Variants in MAST2 observed in about 807,000 individuals in gnomAD.
MAST2 encodes microtubule associated serine/threonine kinase 2.
A neutral mutation model predicts 147.4 loss-of-function variants in MAST2; 70 were observed. That is an observed-to-expected ratio of 0.47 (90% CI 0.39 to 0.58). MAST2 has a LOEUF of 0.58. MAST2 is among the 20% of genes least tolerant of loss of function. The pLI, the probability that MAST2 is intolerant of heterozygous loss-of-function variation, is 0.00. For synonymous variants in MAST2, 869 were observed against 896.8 expected (o/e 0.97, Z 0.55); for missense variants, 2,080 against 2,302.3 (o/e 0.90, Z 1.98).
chr1:45,860,350 C>T (rs1366019793), intron 3 of MAST2, among the ~76,000 whole-genome samples: 1 of 147,494 alleles, frequency 6.8e-6, no homozygotes, highest in Non-Finnish European at 1.5e-5. Context: ...TGCCACTGCA[C>T]TCCAGCCTGG....
In MAST2 at chr1:46,031,621, G is replaced by A; in HGVS notation, c.3187+36G>A. On this transcript the variant is annotated intron_variant, in intron 24 of 28. Transcript: ENST00000361297. This position sits in a 1 kb window ranked among gnomAD's most constrained non-coding sequence, Gnocchi z 4.1. ...TGGGGAGCTGGGATAAAACTCACAG[G>A]AAGGGCCTTGTAATCTCTAGGCCTT... 1 of 1,587,912 alleles carries A rather than the reference G, an allele frequency of 6.3e-7. No homozygotes were observed. The highest frequency in any genetic ancestry group is 8.6e-7 in the Non-Finnish European group (1 of 1,162,308).
intron 4 of MAST2, among the ~76,000 whole-genome samples, chr1:45,926,252 TCAGTACATCTA>T (rs1330109499): frequency 6.6e-6 from 1 of 152,328 alleles, no homozygotes; most frequent in Non-Finnish European, 1.5e-5. Context: ...ATTAAGTGAG[TCAGTACATCTA>T]CAATTGTTTA....
intron 4 of MAST2, among the ~76,000 whole-genome samples, chr1:45,925,288 GTC>G (rs1267588389): frequency 6.6e-6 from 1 of 152,326 alleles, no homozygotes; most frequent in East Asian, 1.9e-4. Flanking sequence ...GAAGGAATGA[GTC>G]TGTTATAAAC....
chr1:45,887,392 G>A (rs1399944263), intron 4 of MAST2, among the ~76,000 whole-genome samples: 1 of 152,166 alleles, frequency 6.6e-6, no homozygotes, highest in East Asian at 1.9e-4. Flanking sequence ...ATATGTGTGT[G>A]TTGATATTAT....
chr1:45,971,524 C>G (rs1341652947), intron 5 of MAST2, among the ~76,000 whole-genome samples: 1 of 152,168 alleles, frequency 6.6e-6, no homozygotes, highest in African/African-American at 2.4e-5. Context: ...GTTCCCACAC[C>G]ACTGACTGAT....
chr1:45,863,409 A>G (rs994115216), intron 3 of MAST2, among the ~76,000 whole-genome samples: 9 of 152,200 alleles, frequency 5.9e-5, no homozygotes, highest in East Asian at 1.9e-4. Context: ...TAGTTATTCA[A>G]AGCAGCAGAT....
At position 45,829,465 on chromosome 1, in the gene MAST2, A is replaced by C; in HGVS notation, c.352A>C (p.Ser118Arg). 6.2e-7 allele frequency: 1 copy of C among 1,614,048 alleles called. No homozygotes were observed. Among genetic ancestry groups the C allele is most frequent in the South Asian group, 1.1e-5 (1 of 91,020 alleles). The change falls in exon 3 of 29, where the codon AGT becomes CGT. Residue 118 changes from serine to arginine, a missense_variant. Physicochemically the swap from Ser to Arg is moderately radical, Grantham distance 110. Around this residue, in one of 4 missense-constraint regions of MAST2, gnomAD observed 569 missense variants for 642.5 expected, o/e 0.89. Coordinates refer to ENST00000361297, the MANE Select transcript of MAST2 (RefSeq NM_015112.3). ...TAAGCAGCTGCTCCCTTTGTCCAGCAGTGTACATAGCAGTGTGGGACAGGT... is the reference window on the plus strand; with the variant it reads ...TAAGCAGCTGCTCCCTTTGTCCAGCCGTGTACATAGCAGTGTGGGACAGGT... ...SGKQLLPLSS[S>R]VHSSVGQVTW...
intron 3 of MAST2, among the ~76,000 whole-genome samples, chr1:45,835,331 A>G (rs142969444): frequency 6.6e-6 from 1 of 152,158 alleles, no homozygotes; most frequent in African/African-American, 2.4e-5. Context: ...AGGGAGAGCC[A>G]TGATCAAGGA....
Position 45,881,384 on chromosome 1 carries a change from T to G in MAST2, c.469-980T>G, listed in dbSNP as rs1298808644. Among the ~76,000 whole-genome samples, 6 of 152,238 alleles carry G rather than the reference T, an allele frequency of 3.9e-5. No individual in the cohort carries two copies. In the East Asian group the frequency reaches 1.2e-3, roughly 29 times the overall value. Reference sequence around the variant, plus strand: ...GCTGATGTCAACAGAGGAATACATATAATATAATACCATGTATATATAATT... The same window carrying G: ...GCTGATGTCAACAGAGGAATACATAGAATATAATACCATGTATATATAATT... On this transcript the variant is annotated intron_variant, in intron 3 of 28. Coordinates refer to ENST00000361297, the MANE Select transcript of MAST2 (RefSeq NM_015112.3).
intron 3 of MAST2, among the ~76,000 whole-genome samples, chr1:45,876,905 T>C (rs1275741316): frequency 2.0e-5 from 3 of 152,216 alleles, no homozygotes; most frequent in African/African-American, 7.2e-5. Context: ...GCCAAAACTG[T>C]AGTCTACCAT....
At chr1:45,922,178 G>A (rs1429348061) in intron 4 of MAST2, among the ~76,000 whole-genome samples, 1 of 152,190 alleles carries the variant, frequency 6.6e-6, no homozygotes, top group Non-Finnish European at 1.5e-5. Flanking sequence ...GGCCTCAGAG[G>A]GGAGGAAGTG....
rs144014599 is a variant in MAST2, at chr1:45,965,789, A to G, written c.592+6312A>G. Among the ~76,000 whole-genome samples the G allele has an allele frequency of 3.7e-3, 560 of 152,016 alleles. 2 individuals are homozygous for G. Among genetic ancestry groups the G allele is most frequent in the Non-Finnish European group, 6.1e-3 (416 of 67,974 alleles). ...AAAATTGAGGAAGATACTGAGATAA[A>G]CCATATACCCCCTGCCCTCACCTAT... On this transcript the variant is annotated intron_variant, in intron 5 of 28. Transcript: ENST00000361297.
At chr1:45,834,259 AG>A (rs937823961) in intron 3 of MAST2, among the ~76,000 whole-genome samples, 3 of 152,182 alleles carry the variant, frequency 2.0e-5, no homozygotes, top group African/African-American at 4.8e-5. Context: ...TAGTAACAAA[AG>A]GGGGCAAGAA....
At chr1:45,829,034 A>G (rs1644876172) in intron 2 of MAST2, among the ~76,000 whole-genome samples, 1 of 152,172 alleles carries the variant, frequency 6.6e-6, no homozygotes, top group Admixed American at 6.5e-5. Flanking sequence ...TGAACTGAGC[A>G]CATGGAGTCT....
Position 46,031,290 on chromosome 1 carries a change from G to A in MAST2, c.2992G>A (p.Ala998Thr). Residue 998 changes from alanine (A) to threonine (T), a missense_variant and splice_region_variant, in exon 23 of 29, where the codon GCT (alanine) becomes ACT (threonine). Around this residue, in one of 4 missense-constraint regions of MAST2, gnomAD observed 1,278 missense variants for 1,304.2 expected, o/e 0.98. Transcript: ENST00000361297. This position sits in a 1 kb window ranked among gnomAD's most constrained non-coding sequence, Gnocchi z 4.1. ...AVGRSSGSSP[A>T]METRGRGTSQ... ...TGGCCGGAGCAGTGGTTCCAGTCCA[G>A]GTATGGCCCAGTGGGCGGCCAAACG... The A allele has an allele frequency of 6.5e-7, 1 of 1,542,518 alleles. No individual in the cohort carries two copies. Among genetic ancestry groups the A allele is most frequent in the Non-Finnish European group, 8.8e-7 (1 of 1,140,372 alleles).
intron 7 of MAST2, among the ~76,000 whole-genome samples, chr1:46,003,984 C>T (rs1189085814): frequency 1.3e-5 from 2 of 152,138 alleles, no homozygotes. Flanking sequence ...CATTTCCTCT[C>T]CCAACCTAGA....
chr1:45,807,794 G>C (rs570746649), intron 1 of MAST2, among the ~76,000 whole-genome samples: 2 of 152,038 alleles, frequency 1.3e-5, no homozygotes, highest in South Asian at 4.1e-4. Flanking sequence ...CACCCACCTC[G>C]GCCTCCCAAA....
intron 3 of MAST2, among the ~76,000 whole-genome samples, chr1:45,872,183 G>A (rs541092001): frequency 5.9e-5 from 9 of 152,262 alleles, no homozygotes; most frequent in African/African-American, 9.6e-5. Context: ...ATCAATATAC[G>A]TATAGTGTGA....
At chr1:45,953,500 T>C (rs535111417) in intron 4 of MAST2, among the ~76,000 whole-genome samples, 1 of 152,214 alleles carries the variant, frequency 6.6e-6, no homozygotes, top group African/African-American at 2.4e-5. Context: ...GTTTATGTAG[T>C]ATGTTAGAAG....
Sources: allele counts gnomAD v4.1 joint callset (sites outside exome capture counted in the v4.1 genomes callset), GRCh38; gene constraint gnomAD v4.1.1; regional missense constraint gnomAD v4.1.1; non-coding constraint Gnocchi (gnomAD v3.1); transcripts MANE v1.5; gene names NCBI Gene and HGNC (gene_info 2026-07-23, HGNC 2026-07-21).